Variants in USP18 observed in about 807,000 individuals in gnomAD.
The protein encoded by USP18 is ubl carboxyl-terminal hydrolase 18.
A neutral mutation model predicts 48.7 loss-of-function variants in USP18; 11 were observed. The observed-to-expected ratio is 0.23, with a 90% CI of 0.14 to 0.37. The LOEUF is 0.37. Ranked by LOEUF, USP18 falls within the 10% of genes least tolerant of loss-of-function variation. USP18 has a pLI of 1.00. For synonymous variants in USP18, 114 were observed against 163.2 expected (o/e 0.70, Z 2.30); for missense variants, 285 against 436.4 (o/e 0.65, Z 3.09).
At chr22:18,173,952 T>C in intron 10 of USP18, 110 bp downstream of exon 10, 2 of 1,499,266 alleles carry the variant, frequency 1.3e-6, no homozygotes, top group South Asian at 1.2e-5. Flanking sequence ...TGGCTCACTG[T>C]CCGCCTCATC....
chr22:18,155,884 G>A (rs546457123), intron 1 of USP18, among the ~76,000 whole-genome samples: 1 of 152,372 alleles, frequency 6.6e-6, no homozygotes, highest in South Asian at 2.1e-4. Context: ...CGCACGGCGC[G>A]GGACTGGCAG....
Position 18,167,883 on chromosome 22 carries a change from C to G in USP18, c.481-7C>G. On this transcript the variant is annotated splice_polypyrimidine_tract_variant and splice_region_variant and intron_variant, in intron 5 of 10. Coordinates refer to ENST00000215794, the MANE Select transcript of USP18 (RefSeq NM_017414.4). Reference sequence around the variant, plus strand: ...CCCATCTCACCTCTCCGCTCTCCCTCTTGCAGGTGGAGAGACTGCAGGCCC... The same window carrying G: ...CCCATCTCACCTCTCCGCTCTCCCTGTTGCAGGTGGAGAGACTGCAGGCCC... The G allele has an allele frequency of 6.2e-7, 1 of 1,612,472 alleles. No homozygotes were observed. Among genetic ancestry groups the G allele is most frequent in the Non-Finnish European group, 8.5e-7 (1 of 1,178,732 alleles).
chr22:18,157,609 CTGTCCT>C lies in USP18; in HGVS notation c.-54_-49del, dbSNP rs1186791358. The stretch of plus-strand genomic sequence containing the variant: ...AGCGCTTCCTGGAAGTGAAGTCGTG[CTGTCCT>C]GAACGCGGGCCAGGCAGCTGCGGCC... On this transcript the variant is annotated 5_prime_UTR_variant, in exon 2 of 11. Transcript: ENST00000215794. 1.2e-6 allele frequency: 2 copies of C among 1,606,110 alleles called. No individual in the cohort carries two copies. The highest frequency in any genetic ancestry group is 2.7e-5 in the African/African-American group (2 of 74,554).
intron 7 of USP18, 21 bp downstream of exon 7, chr22:18,169,960 A>T (rs1170991132): frequency 1.3e-6 from 2 of 1,561,506 alleles, no homozygotes; most frequent in Admixed American, 1.9e-5. Flanking sequence ...CCTAAATCAG[A>T]CTCAGCTGTC....
At chr22:18,162,184 T>G (rs1929352270) in intron 4 of USP18, among the ~76,000 whole-genome samples, 1 of 151,990 alleles carries the variant, frequency 6.6e-6, no homozygotes, top group African/African-American at 2.4e-5. Context: ...TGAAGGCATC[T>G]CCTCCAAGCT....
intron 2 of USP18, 122 bp from the exon 3 acceptor site, chr22:18,160,050 G>A (rs939120388): frequency 3.5e-5 from 32 of 904,196 alleles, no homozygotes; most frequent in Non-Finnish European, 5.9e-5. Flanking sequence ...CCGACCTCAG[G>A]TGATCCGCCC....
intron 1 of USP18, among the ~76,000 whole-genome samples, chr22:18,154,128 A>G (rs1929068028): frequency 6.6e-6 from 1 of 150,454 alleles, no homozygotes; most frequent in Non-Finnish European, 1.5e-5. Flanking sequence ...TTAGGTTTTT[A>G]AGGAATCTCC....
chr22:18,170,758 G>A lies in USP18; in HGVS notation c.729G>A (p.Leu243=), dbSNP rs772963100. 24 of 1,608,460 alleles carry A rather than the reference G, an allele frequency of 1.5e-5. No homozygotes were observed. In the Admixed American group the frequency reaches 3.4e-4, roughly 23 times the overall value. The part of the protein sequence containing the change: ...CGKKTRGKQV[L]KLTHLPQTLT... Reference sequence around the variant, plus strand: ...GAGTGATTTTGATTTTTCAGGTCTTGAAGCTGACCCATTTGCCCCAGACCC... The same window carrying A: ...GAGTGATTTTGATTTTTCAGGTCTTAAAGCTGACCCATTTGCCCCAGACCC... Residue 243 remains leucine (L), a synonymous_variant, in exon 8 of 11, where the codon TTG becomes TTA. Coordinates refer to ENST00000215794, the MANE Select transcript of USP18 (RefSeq NM_017414.4).
At chr22:18,172,990 C>T (rs548545219) in intron 8 of USP18, among the ~76,000 whole-genome samples, 160 bp from the exon 9 acceptor site, 4 of 151,428 alleles carry the variant, frequency 2.6e-5, no homozygotes, top group East Asian at 3.9e-4. Flanking sequence ...GATCCACACT[C>T]GGGAAAGCCC....
At chr22:18,156,300 G>T (rs1929134858) in intron 1 of USP18, among the ~76,000 whole-genome samples, 2 of 152,208 alleles carry the variant, frequency 1.3e-5, no homozygotes. Context: ...CCAATCAGCA[G>T]GATGTGGGTG....
rs377742570 is a variant in USP18, at chr22:18,169,899, G to T, written c.683G>T (p.Cys228Phe). 7 of 1,608,342 alleles carry T rather than the reference G, an allele frequency of 4.4e-6. No homozygotes were observed. The African/African-American group carries it at 8.0e-5, about 18-fold the overall frequency. Reference protein sequence around the residue: ...QPRELSSKSKCFCENCGKKTR... With the variant: ...QPRELSSKSKFFCENCGKKTR... Reference sequence around the variant, plus strand: ...AGGGAGTTATCAAGCAAAAGCAAGTGCTTCTGTGAGAACTGTGGGAAGAAG... The same window carrying T: ...AGGGAGTTATCAAGCAAAAGCAAGTTCTTCTGTGAGAACTGTGGGAAGAAG... Residue 228 changes from cysteine to phenylalanine, a missense_variant, in exon 7 of 11, where the codon TGC (cysteine) becomes TTC (phenylalanine). Transcript: ENST00000215794.
At chr22:18,175,446 A>G (rs668346) in intron 10 of USP18, among the ~76,000 whole-genome samples, 7,491 of 110,290 alleles carry the variant, frequency 0.068, 520 homozygotes, top group African/African-American at 0.23. Flanking sequence ...TTTATTCTGA[A>G]CATCCATCTT....
intron 1 of USP18, among the ~76,000 whole-genome samples, chr22:18,155,483 G>A (rs1929105990): frequency 6.6e-6 from 1 of 152,214 alleles, no homozygotes; most frequent in Non-Finnish European, 1.5e-5. Context: ...TGGGCTGGCC[G>A]AGGCTGGAGT....
chr22:18,166,266 A>T (rs1929475802), intron 4 of USP18, among the ~76,000 whole-genome samples: 1 of 151,930 alleles, frequency 6.6e-6, no homozygotes, highest in Non-Finnish European at 1.5e-5. Context: ...TCAACTCAAG[A>T]TTTCTGCTTG....
intron 4 of USP18, among the ~76,000 whole-genome samples, chr22:18,163,327 T>C (rs1001534388): frequency 6.6e-5 from 10 of 152,120 alleles, no homozygotes; most frequent in African/African-American, 2.4e-4. Context: ...TCTCTGTTAT[T>C]TTCTGTACTT....
At chr22:18,160,492 C>T (rs995680886) in intron 3 of USP18, among the ~76,000 whole-genome samples, 17 of 151,568 alleles carry the variant, frequency 1.1e-4, no homozygotes, top group African/African-American at 2.9e-4. Flanking sequence ...TTAGTAGAGA[C>T]GGGGTTTCAC....
intron 2 of USP18, among the ~76,000 whole-genome samples, chr22:18,158,078 G>A (rs566058625): frequency 6.6e-6 from 1 of 152,112 alleles, no homozygotes; most frequent in South Asian, 2.1e-4. Context: ...TCATGAGGTC[G>A]GGAGTTTAAG....
chr22:18,167,203 G>A, intron 4 of USP18, 52 bp from the exon 5 acceptor site: 2 of 1,600,176 alleles, frequency 1.2e-6, no homozygotes, highest in East Asian at 2.3e-5. Context: ...CAGGGCATGA[G>A]AAGCGACTCT....
chr22:18,161,001 C>T (rs957552887), intron 3 of USP18, among the ~76,000 whole-genome samples: 1 of 151,878 alleles, frequency 6.6e-6, no homozygotes, highest in East Asian at 1.9e-4. Context: ...ATTTCCTGAC[C>T]TCAGGTGATT....
Sources: allele counts gnomAD v4.1 joint callset (sites outside exome capture counted in the v4.1 genomes callset), GRCh38; gene constraint gnomAD v4.1.1; transcripts MANE v1.5; gene names NCBI Gene and HGNC (gene_info 2026-07-23, HGNC 2026-07-21).